The following IMPDH1 variants were observed in gnomAD, a reference collection of about 807,000 sequenced individuals.
The protein encoded by IMPDH1 is inosine monophosphate dehydrogenase 1, also known as inosine-5'-monophosphate dehydrogenase 1.
In IMPDH1, 41 loss-of-function variants were observed where a neutral mutation model predicts 73.5. That is an observed-to-expected ratio of 0.56 (90% CI 0.43 to 0.72). The LOEUF (loss-of-function observed/expected upper bound fraction) is 0.72, where lower values mean the gene tolerates loss of function less well. IMPDH1 is among the 30% of genes least tolerant of loss of function. The pLI is 0.00. For missense variants in IMPDH1, 645 were observed against 824.8 expected (o/e 0.78, Z 2.67); for synonymous variants, 318 against 334.3 (o/e 0.95, Z 0.53).
Position 128,409,934 on chromosome 7 carries a change from T to TGGAGGCTCCCGGGGCCCC in IMPDH1, c.-51_-34dup, listed in dbSNP as rs1799036061. The TGGAGGCTCCCGGGGCCCC allele has an allele frequency of 8.3e-6, 11 of 1,331,836 alleles. No homozygotes were observed. The highest frequency in any genetic ancestry group is 3.1e-5 in the East Asian group (1 of 32,016). 82.5% of individuals were successfully genotyped at this position (1,331,836 alleles called of 1,614,324 possible). On this transcript the variant is annotated 5_prime_UTR_variant, in exon 1 of 17. Coordinates refer to ENST00000338791, the MANE Select transcript of IMPDH1 (RefSeq NM_000883.4). ...CCGCAGCTCAGGGCGGGCGGGAGCC[T>TGGAGGCTCCCGGGGCCCC]GGAGGCTCCCGGGGCCCCGGCTGGG...
At position 128,395,250 on chromosome 7, in the gene IMPDH1, C is replaced by T; in HGVS notation, c.1286G>A (p.Gly429Asp). Residue 429 changes from glycine to aspartate, a missense_variant, in exon 13 of 17, where the codon GGC (glycine) becomes GAC (aspartate). This residue lies in a region of IMPDH1 where 459 missense variants were observed against 638.2 expected (regional missense o/e 0.72). Coordinates refer to ENST00000338791, the MANE Select transcript of IMPDH1 (RefSeq NM_000883.4). ...QEVMACGRPQ[G>D]TAVYKVAEYA... ...CTCAGCCACCTTGTACACAGCAGTG[C>T]CCTGGGGCCGACCACAGGCCATCAC... 6.2e-7 allele frequency: 1 copy of T among 1,613,608 alleles called. No homozygotes were observed. Among genetic ancestry groups the T allele is most frequent in the South Asian group, 1.1e-5 (1 of 91,066 alleles).
At chr7:128,406,818 G>C (rs943801912) in intron 3 of IMPDH1, among the ~76,000 whole-genome samples, 1 of 152,170 alleles carries the variant, frequency 6.6e-6, no homozygotes, top group East Asian at 1.9e-4. Context: ...TATTTGGGAG[G>C]GTCCTGCGGT....
chr7:128,400,773 G>A, intron 7 of IMPDH1, 44 bp downstream of exon 7: 1 of 1,545,406 alleles, frequency 6.5e-7, no homozygotes, highest in Admixed American at 1.7e-5. Flanking sequence ...TCTGAGGTGG[G>A]GACTGCCAGG....
chr7:128,400,221 G>A, intron 8 of IMPDH1, 39 bp from the exon 9 acceptor site: 2 of 1,611,396 alleles, frequency 1.2e-6, no homozygotes, highest in Non-Finnish European at 1.7e-6. Flanking sequence ...GTTGGCAGGT[G>A]AGAGAGAAGG....
rs969975801 is a variant in IMPDH1 at position 128,396,529 on chromosome 7, T to C, written c.1261+71A>G. 3 of 1,168,556 alleles carry C rather than the reference T, an allele frequency of 2.6e-6. No homozygotes were observed. The African/African-American group carries it at 4.6e-5, about 18-fold the overall frequency. The allele number at this position is 1,168,556 out of a possible 1,614,324, so 72.4% of individuals were successfully genotyped here. On this transcript the variant is annotated intron_variant, in intron 12 of 16. Coordinates refer to ENST00000338791, the MANE Select transcript of IMPDH1 (RefSeq NM_000883.4). This position sits in a 1 kb window ranked among gnomAD's most constrained non-coding sequence, Gnocchi z 4.0. ...GAACAGGGCCTGGCAGAGAGAGTAC[T>C]TGATATACATCTGGGGAACAAAGGC...
At chr7:128,397,081 G>A in intron 10 of IMPDH1, 59 bp from the exon 11 acceptor site, 3 of 1,199,280 alleles carry the variant, frequency 2.5e-6, no homozygotes, top group East Asian at 2.3e-5. Context: ...AAGGCAGGAG[G>A]GAGAGCCTGA....
chr7:128,393,156 G>C (rs1303269587), intron 16 of IMPDH1, 128 bp from the exon 17 acceptor site: 4 of 1,036,128 alleles, frequency 3.9e-6, no homozygotes, highest in Non-Finnish European at 6.0e-6. Context: ...GATCTCAGCC[G>C]TACGGCGCAG....
chr7:128,400,286 GA>G (rs1798227125), intron 8 of IMPDH1, 46 bp downstream of exon 8: 1 of 1,601,368 alleles, frequency 6.2e-7, no homozygotes, highest in Non-Finnish European at 8.6e-7. Context: ...GCCCCAGCGT[GA>G]GGGTCCTCTC....
intron 3 of IMPDH1, among the ~76,000 whole-genome samples, chr7:128,406,295 A>G (rs909216271): frequency 1.2e-4 from 1 of 8,626 alleles, no homozygotes; most frequent in Non-Finnish European, 2.7e-4. Context: ...ACCCCCCCAC[A>G]CCCCCACACC....
intron 9 of IMPDH1, among the ~76,000 whole-genome samples, chr7:128,399,726 T>C (rs918540428): frequency 1.8e-4 from 28 of 152,242 alleles, no homozygotes. Context: ...CTGGAAAATA[T>C]TATAAAAACA....
At chr7:128,400,952 A>G (rs1013121019) in intron 6 of IMPDH1, 61 bp from the exon 7 acceptor site, 53 of 1,598,544 alleles carry the variant, frequency 3.3e-5, no homozygotes, top group Non-Finnish European at 4.3e-5. Flanking sequence ...CCTGCCCCTC[A>G]GCACAGCCCA....
rs760227490 is a variant in IMPDH1, at chr7:128,398,808, G to A, written c.875-195C>T. On this transcript the variant is annotated intron_variant, in intron 9 of 16. Transcript: ENST00000338791. The surrounding 1 kb of genome is among the most constrained non-coding windows in gnomAD (Gnocchi z 4.3). ...CTCTTCCCAAGGAACAGGGAGCAAA[G>A]AAATCTTTCAGCCCAGCAGGTTCCT... Among the ~76,000 whole-genome samples the A allele has an allele frequency of 7.9e-5, 12 of 152,188 alleles. No individual in the cohort carries two copies. The highest frequency in any genetic ancestry group is 1.6e-4 in the Non-Finnish European group (11 of 68,026).
At chr7:128,400,004 G>T in intron 9 of IMPDH1, 91 bp downstream of exon 9, 2 of 1,015,648 alleles carry the variant, frequency 2.0e-6, no homozygotes, top group Non-Finnish European at 3.1e-6. Flanking sequence ...CAGTCTGGTT[G>T]CTGGGATAAC....
At chr7:128,395,400 G>A (rs1327006613) in intron 12 of IMPDH1, 126 bp from the exon 13 acceptor site, 14 of 1,142,848 alleles carry the variant, frequency 1.2e-5, no homozygotes, top group Middle Eastern at 2.8e-4. Context: ...GGGCTGGATG[G>A]TGTGTCTGAG....
intron 7 of IMPDH1, 123 bp downstream of exon 7, chr7:128,400,694 G>T: frequency 8.4e-7 from 1 of 1,187,128 alleles, no homozygotes; most frequent in Non-Finnish European, 1.3e-6. Flanking sequence ...CGGCCCCAAG[G>T]CTCCACTGAG....
At chr7:128,402,838 G>C (rs996232195) in intron 5 of IMPDH1, among the ~76,000 whole-genome samples, 2 of 151,454 alleles carry the variant, frequency 1.3e-5, no homozygotes, top group Non-Finnish European at 2.9e-5. Context: ...TCATTGATTC[G>C]GCTCACTGAT....
In IMPDH1 at chr7:128,395,351, C is replaced by T. The variant is rs1170536119; in HGVS notation, c.1262-77G>A. The T allele has an allele frequency of 5.0e-5, 77 of 1,544,168 alleles. No homozygotes were observed. The East Asian group carries it at 6.1e-4, about 12-fold the overall frequency. ...GGCCTGGAGCGGGGCCAGCCCAGCT[C>T]TTCCTCCTGTGCACTACCTCTACTC... On this transcript the variant is annotated intron_variant, in intron 12 of 16. Coordinates refer to ENST00000338791, the MANE Select transcript of IMPDH1 (RefSeq NM_000883.4).
chr7:128,398,571 A>G lies in IMPDH1; in HGVS notation c.917T>C (p.Ile306Thr). The G allele has an allele frequency of 6.2e-7, 1 of 1,612,612 alleles. No homozygotes were observed. Among genetic ancestry groups the G allele is most frequent in the South Asian group, 1.1e-5 (1 of 91,062 alleles). Residue 306 changes from isoleucine (I) to threonine (T), a missense_variant, in exon 10 of 17, where the codon ATC becomes ACC. Physicochemically the swap from Ile to Thr is moderately conservative, Grantham distance 89. Transcript: ENST00000338791. This position sits in a 1 kb window ranked among gnomAD's most constrained non-coding sequence, Gnocchi z 4.3. ...IVNDCDELVA[I>T]IARTDLKKNR... ...CTTCTTCAGGTCGGTGCGGGCGATGATGGCCACCAGCTCATCGCAATCATT... is the reference window on the plus strand; with the variant it reads ...CTTCTTCAGGTCGGTGCGGGCGATGGTGGCCACCAGCTCATCGCAATCATT...
intron 3 of IMPDH1, among the ~76,000 whole-genome samples, chr7:128,406,141 A>G (rs1436344853): frequency 7.6e-6 from 1 of 132,152 alleles, no homozygotes; most frequent in Non-Finnish European, 1.6e-5. Flanking sequence ...GCACGCCCCC[A>G]GCTGCCTGCA....
Sources: allele counts gnomAD v4.1 joint callset (sites outside exome capture counted in the v4.1 genomes callset), GRCh38; gene constraint gnomAD v4.1.1; regional missense constraint gnomAD v4.1.1; non-coding constraint Gnocchi (gnomAD v3.1); transcripts MANE v1.5; gene names NCBI Gene and HGNC (gene_info 2026-07-23, HGNC 2026-07-21).